Variants in TPO observed in about 807,000 individuals in gnomAD.
TPO encodes the protein thyroid microsomal antigen.
Under a neutral mutation model 96.9 loss-of-function variants are expected in TPO, and 78 were observed. That is an observed-to-expected ratio of 0.81 (90% CI 0.67 to 0.97). The LOEUF is 0.97. Ranked by LOEUF, TPO falls within the 50% of genes least tolerant of loss-of-function variation. TPO has a pLI of 0.00. For missense variants in TPO, 1,252 were observed against 1,274.8 expected, an observed-to-expected ratio of 0.98 and a Z score of 0.27; for synonymous variants, 547 against 538.0, an observed-to-expected ratio of 1.02 and a Z score of -0.23.
chr2:1,382,202 G>A (rs757314167), intron 1 of TPO, among the ~76,000 whole-genome samples: 9 of 152,128 alleles, frequency 5.9e-5, no homozygotes, highest in Non-Finnish European at 1.3e-4. Flanking sequence ...GCACAGGAGT[G>A]GCACTACCTT....
chr2:1,416,357 A>C (rs1662963036), intron 2 of TPO, among the ~76,000 whole-genome samples: 1 of 152,234 alleles, frequency 6.6e-6, no homozygotes, highest in African/African-American at 2.4e-5. Context: ...ATAAAACCAG[A>C]GTAAAACATG....
At chr2:1,470,506 T>C (rs547824824) in intron 7 of TPO, among the ~76,000 whole-genome samples, 1 of 150,754 alleles carries the variant, frequency 6.6e-6, no homozygotes, top group African/African-American at 2.4e-5. Flanking sequence ...ACTGAGCAGG[T>C]CTTCCTTATC....
intron 5 of TPO, among the ~76,000 whole-genome samples, chr2:1,440,800 G>C (rs1666101099): frequency 6.6e-6 from 1 of 152,154 alleles, no homozygotes; most frequent in Non-Finnish European, 1.5e-5. Context: ...GCTCATTCCT[G>C]TTTTTATGGT....
At position 1,516,960 on chromosome 2, in the gene TPO, A is replaced by G. The variant is rs568569507; in HGVS notation, c.2596A>G (p.Thr866Ala). Residue 866 changes from threonine (T) to alanine (A), a missense_variant, in exon 15 of 17, where the codon ACC becomes GCC. Transcript: ENST00000329066. ...ALLIGGFAGLTSTVICRWTRT... is the reference protein window; with the variant it reads ...ALLIGGFAGLASTVICRWTRT... ...GCTGATCGGAGGCTTCGCAGGTCTCACCTCGACGGTGATTTGCAGGTGGTA... is the reference window on the plus strand; with the variant it reads ...GCTGATCGGAGGCTTCGCAGGTCTCGCCTCGACGGTGATTTGCAGGTGGTA... 1 of 1,613,894 alleles carries G rather than the reference A, an allele frequency of 6.2e-7. No homozygotes were observed. The highest frequency in any genetic ancestry group is 1.3e-5 in the African/African-American group (1 of 75,046).
intron 8 of TPO, among the ~76,000 whole-genome samples, chr2:1,480,073 C>A (rs1282571027): frequency 6.6e-6 from 1 of 152,106 alleles, no homozygotes; most frequent in East Asian, 1.9e-4. Flanking sequence ...TGAGCCACTG[C>A]GCCCAGCTGC....
chr2:1,459,701 C>T (rs1573281235), intron 7 of TPO, among the ~76,000 whole-genome samples: 1 of 152,068 alleles, frequency 6.6e-6, no homozygotes, highest in Non-Finnish European at 1.5e-5. Context: ...CAAAATATCC[C>T]AAAAGGAATA....
intron 5 of TPO, among the ~76,000 whole-genome samples, chr2:1,437,513 G>C (rs772435688): frequency 5.1e-4 from 78 of 152,124 alleles, no homozygotes; most frequent in Non-Finnish European, 1.0e-3. Flanking sequence ...CCTGTCCTGA[G>C]ACAGAGAGCA....
chr2:1,481,054 G>A (rs916253785), intron 8 of TPO, among the ~76,000 whole-genome samples: 10 of 151,990 alleles, frequency 6.6e-5, no homozygotes, highest in East Asian at 5.8e-4. Flanking sequence ...CGGGGGACTC[G>A]CACGTAGGAA....
chr2:1,484,963 T>C, intron 9 of TPO, 109 bp downstream of exon 9: 4 of 1,513,978 alleles, frequency 2.6e-6, no homozygotes, highest in Non-Finnish European at 3.6e-6. Context: ...ACGTGCAGGT[T>C]TGTTACGTAG....
chr2:1,473,847 G>A (rs1335426141), intron 7 of TPO, among the ~76,000 whole-genome samples: 1 of 152,000 alleles, frequency 6.6e-6, no homozygotes, highest in Non-Finnish European at 1.5e-5. Context: ...GAAAAGAACA[G>A]TTTTATACTT....
intron 3 of TPO, among the ~76,000 whole-genome samples, chr2:1,426,777 A>C (rs1573133240): frequency 6.6e-6 from 1 of 152,244 alleles, no homozygotes; most frequent in Non-Finnish European, 1.5e-5. Flanking sequence ...ACTTACTTTG[A>C]GTAAAAGTTT....
intron 14 of TPO, among the ~76,000 whole-genome samples, chr2:1,510,790 T>C (rs1674025131): frequency 6.6e-6 from 1 of 152,190 alleles, no homozygotes; most frequent in South Asian, 2.1e-4. Flanking sequence ...TGCCCAGGGC[T>C]TCTCCTGTCT....
chr2:1,434,618 G>A (rs2148494711), intron 4 of TPO, among the ~76,000 whole-genome samples: 1 of 152,304 alleles, frequency 6.6e-6, no homozygotes, highest in South Asian at 2.1e-4. Context: ...GTCAGAAGAT[G>A]TGGGTCTTTC....
intron 12 of TPO, 97 bp from the exon 13 acceptor site, chr2:1,496,498 C>A: frequency 6.5e-7 from 1 of 1,548,338 alleles, no homozygotes; most frequent in South Asian, 1.1e-5. Flanking sequence ...CTGGCACCAG[C>A]CCCTCCAGGG....
chr2:1,395,771 TGTTCTAGTGATA>T (rs994886750), intron 1 of TPO, among the ~76,000 whole-genome samples: 1 of 144,220 alleles, frequency 6.9e-6, no homozygotes, highest in African/African-American at 2.8e-5. Flanking sequence ...AGTGATAGTG[TGTTCTAGTGATA>T]GTGACTAAGT....
chr2:1,380,742 G>A (rs1369074774), intron 1 of TPO, among the ~76,000 whole-genome samples: 3 of 152,180 alleles, frequency 2.0e-5, no homozygotes, highest in Non-Finnish European at 4.4e-5. Context: ...AAGAGAGAAT[G>A]CATTAGGCTG....
At chr2:1,444,565 A>G (rs1259869575) in intron 5 of TPO, among the ~76,000 whole-genome samples, 175 of 45,570 alleles carry the variant, frequency 3.8e-3, no homozygotes, top group Middle Eastern at 0.019. Context: ...TGTTGGAAGG[A>G]AATGGGGCAG....
At chr2:1,482,561 G>C (rs1216672795) in intron 8 of TPO, among the ~76,000 whole-genome samples, 9 of 152,144 alleles carry the variant, frequency 5.9e-5, no homozygotes, top group Non-Finnish European at 1.5e-5. Flanking sequence ...CGTCTGCCCA[G>C]GTCCAATAGT....
At chr2:1,478,614 G>A (rs1027193627) in intron 8 of TPO, among the ~76,000 whole-genome samples, 9 of 152,242 alleles carry the variant, frequency 5.9e-5, no homozygotes, top group East Asian at 1.9e-4. Context: ...CCTGGGTGGC[G>A]AGGGGACCTG....
Sources: allele counts gnomAD v4.1 joint callset (sites outside exome capture counted in the v4.1 genomes callset), GRCh38; gene constraint gnomAD v4.1.1; transcripts MANE v1.5; gene names NCBI Gene and HGNC (gene_info 2026-07-23, HGNC 2026-07-21).